The following ERMP1 variants were observed in gnomAD, a reference collection of about 807,000 sequenced individuals.
ERMP1 encodes Felix-ina.
ERMP1 carries 86 observed loss-of-function variants against 92.0 expected under a neutral mutation model. The ratio of observed to expected loss-of-function variants is 0.93; its 90% confidence interval spans 0.79 to 1.12. The LOEUF (loss-of-function observed/expected upper bound fraction) is 1.12, where lower values mean the gene tolerates loss of function less well. Among genes scored for constraint, ERMP1 ranks in the 50% most tolerant of loss-of-function variants. ERMP1 has a pLI of 0.00. For missense variants in ERMP1, 1,342 were observed against 1,116.3 expected, an observed-to-expected ratio of 1.20 and a Z score of -2.88; for synonymous variants, 530 against 412.8, an observed-to-expected ratio of 1.28 and a Z score of -3.44.
At position 5,787,727 on chromosome 9, in the gene ERMP1, G is replaced by A. The variant is rs532863432; in HGVS notation, c.2387-134C>T. 7.2e-5 allele frequency: 59 copies of A among 817,152 alleles called. 1 individual carries two copies. The African/African-American group carries it at 7.9e-4, about 11-fold the overall frequency. The allele number at this position is 817,152 out of a possible 1,614,324, so 50.6% of individuals were successfully genotyped here. A position where few individuals can be genotyped will look rare whatever the true frequency, so the allele number is the denominator to read the frequency against. On this transcript the variant is annotated intron_variant, in intron 13 of 14. Transcript: ENST00000339450. ...TATACTTACTATAAACCTAATGGAGGTTTACCAGTTTGGACACTTAGTGTG... is the reference window on the plus strand; with the variant it reads ...TATACTTACTATAAACCTAATGGAGATTTACCAGTTTGGACACTTAGTGTG...
chr9:5,860,342 T>C (rs1346867079), intron 5 of ERMP1, among the ~76,000 whole-genome samples: 1 of 151,656 alleles, frequency 6.6e-6, no homozygotes, highest in Non-Finnish European at 1.5e-5. Context: ...CTGGGATAAA[T>C]GCACTGTCAG....
At chr9:5,811,494 C>G (rs1388946227) in intron 6 of ERMP1, among the ~76,000 whole-genome samples, 171 bp from the exon 7 acceptor site, 1 of 152,190 alleles carries the variant, frequency 6.6e-6, no homozygotes, top group African/African-American at 2.4e-5. Context: ...TACCATCCTA[C>G]TGCTCTCCCT....
At chr9:5,853,607 A>T (rs1050680907) in intron 6 of ERMP1, among the ~76,000 whole-genome samples, 2 of 152,042 alleles carry the variant, frequency 1.3e-5, no homozygotes, top group Non-Finnish European at 1.5e-5. Flanking sequence ...AATCATGGAA[A>T]GCCAGGCAGA....
chr9:5,822,380 T>C (rs372395709), intron 4 of ERMP1, among the ~76,000 whole-genome samples: 2 of 152,300 alleles, frequency 1.3e-5, no homozygotes, highest in African/African-American at 4.8e-5. Flanking sequence ...GGTTTGAGAA[T>C]TGAAAACAGA....
chr9:5,797,623 G>A (rs1045282282), intron 13 of ERMP1, among the ~76,000 whole-genome samples, 194 bp downstream of exon 13: 3 of 150,708 alleles, frequency 2.0e-5, no homozygotes, highest in African/African-American at 2.4e-5. Flanking sequence ...ACTCTAGCCT[G>A]GGCGACAGAG....
chr9:5,824,448 G>A (rs1329997956), intron 3 of ERMP1, among the ~76,000 whole-genome samples: 1 of 152,180 alleles, frequency 6.6e-6, no homozygotes, highest in East Asian at 1.9e-4. Flanking sequence ...TGTGGCCCAG[G>A]CTGGAGTGCA....
intron 11 of ERMP1, among the ~76,000 whole-genome samples, chr9:5,799,505 A>T (rs755181114): frequency 2.6e-5 from 4 of 152,178 alleles, no homozygotes; most frequent in Non-Finnish European, 5.9e-5. Flanking sequence ...AACCAGCCTG[A>T]AGAATACCAA....
chr9:5,824,402 C>T (rs1305497745), intron 3 of ERMP1, among the ~76,000 whole-genome samples: 1 of 152,088 alleles, frequency 6.6e-6, no homozygotes, highest in African/African-American at 2.4e-5. Context: ...AGCGAGACTC[C>T]CTCTTTTTTT....
At chr9:5,861,170 G>GGGT (rs1554630170) in intron 5 of ERMP1, among the ~76,000 whole-genome samples, 10 of 102,078 alleles carry the variant, frequency 9.8e-5, no homozygotes, top group Non-Finnish European at 1.8e-4. Context: ...TGGCTTAGGG[G>GGGT]GTGTGTGTGT....
At chr9:5,813,072 C>A in intron 4 of ERMP1, 37 bp from the exon 5 acceptor site, 1 of 1,587,518 alleles carries the variant, frequency 6.3e-7, no homozygotes, top group Non-Finnish European at 8.6e-7. Context: ...GAAGGTATTC[C>A]GGCAATTTTT....
At chr9:5,791,379 T>C (rs1563745911) in intron 13 of ERMP1, 2 of 451,690 alleles carry the variant, frequency 4.4e-6, no homozygotes, top group African/African-American at 2.0e-5. Context: ...TCTCAAGGCC[T>C]TCACTGACGG....
At position 5,786,621 on chromosome 9, in the gene ERMP1, G is replaced by C. The variant is rs1250670304; in HGVS notation, c.*523C>G. 1 of 156,028 alleles carries C rather than the reference G, an allele frequency of 6.4e-6. No individual in the cohort carries two copies. Among genetic ancestry groups the C allele is most frequent in the African/African-American group, 2.4e-5 (1 of 41,468 alleles). The allele number at this position is 156,028 out of a possible 1,614,324, so 9.7% of individuals were successfully genotyped here. ...AAGAAACAGCTTGACACAGGCTACA[G>C]CCTCAAGAGTGCAATGCTTCTCTCC... On this transcript the variant is annotated 3_prime_UTR_variant, in exon 15 of 15. Transcript: ENST00000339450.
intron 13 of ERMP1, among the ~76,000 whole-genome samples, chr9:5,789,322 CA>C (rs888219260): frequency 6.6e-6 from 1 of 151,948 alleles, no homozygotes; most frequent in African/African-American, 2.4e-5. Context: ...TATCAGACCC[CA>C]AAAACAATAT....
chr9:5,842,408 G>T (rs1356070772), intron 6 of ERMP1, among the ~76,000 whole-genome samples: 3 of 143,982 alleles, frequency 2.1e-5, no homozygotes, highest in Non-Finnish European at 4.5e-5. Context: ...ACTCCAGCCT[G>T]GGTGACAGGC....
At chr9:5,819,404 A>T (rs1351145695) in intron 4 of ERMP1, among the ~76,000 whole-genome samples, 1 of 152,082 alleles carries the variant, frequency 6.6e-6, no homozygotes, top group Non-Finnish European at 1.5e-5. Context: ...ATCACAAAAG[A>T]CTCTTCAAAA....
In ERMP1 at chr9:5,861,716, G is replaced by GT. The variant is rs1830500012; in HGVS notation, n.3056-2106_3056-2105insA. ...TGTTGACCCCAGAGAAGAGAGGAAG[G>GT]GTTTTTTTTTTTTTTTTTTTTTTTT... On this transcript the variant is annotated intron_variant and non_coding_transcript_variant, in intron 5 of 6. Transcript: ENST00000690753. 1.1e-4 allele frequency among the ~76,000 whole-genome samples: 6 copies of GT among 52,708 alleles called. No homozygotes were observed. In the East Asian group the frequency reaches 3.6e-3, roughly 32 times the overall value. 34.6% of individuals were successfully genotyped at this position (52,708 alleles called of 152,430 possible). A position where few individuals can be genotyped will look rare whatever the true frequency, so the allele number is the denominator to read the frequency against.
intron 13 of ERMP1, among the ~76,000 whole-genome samples, chr9:5,791,826 A>G (rs1196022838): frequency 6.6e-6 from 1 of 152,244 alleles, no homozygotes; most frequent in Non-Finnish European, 1.5e-5. Flanking sequence ...CCAAGAATAC[A>G]GAGATAAATG....
chr9:5,800,571 G>C (rs1285824225), intron 11 of ERMP1, among the ~76,000 whole-genome samples: 2 of 152,146 alleles, frequency 1.3e-5, no homozygotes, highest in African/African-American at 4.8e-5. Flanking sequence ...AGCTACTTGG[G>C]AGTCTGAGGC....
rs1028316671 is a variant in ERMP1, at chr9:5,785,918, AC to A, written c.*1225del. 6.6e-6 allele frequency: 1 copy of A among 152,162 alleles called. No homozygotes were observed. The highest frequency in any genetic ancestry group is 2.4e-5 in the African/African-American group (1 of 41,424). 9.4% of individuals were successfully genotyped at this position (152,162 alleles called of 1,614,324 possible). ...TCTCACCAATGCCCTCACTGCTGGA[AC>A]CAAAAAGCCATGAGAGGTACTGCTG... On this transcript the variant is annotated 3_prime_UTR_variant, in exon 15 of 15. Transcript: ENST00000339450.
Sources: allele counts gnomAD v4.1 joint callset (sites outside exome capture counted in the v4.1 genomes callset), GRCh38; gene constraint gnomAD v4.1.1; transcripts MANE v1.5; gene names NCBI Gene and HGNC (gene_info 2026-07-23, HGNC 2026-07-21).